The following KY variants were observed in gnomAD, a reference collection of about 807,000 sequenced individuals.
KY encodes kyphoscoliosis peptidase.
In KY, 43 loss-of-function variants were observed where a neutral mutation model predicts 76.1. The ratio of observed to expected loss-of-function variants is 0.57; its 90% CI spans 0.44 to 0.73. The LOEUF is 0.73. Ranked by LOEUF, KY falls within the 30% of genes least tolerant of loss-of-function variation. The pLI is 0.00. For synonymous variants in KY, 277 were observed against 326.2 expected (o/e 0.85, Z 1.63); for missense variants, 722 against 828.9 (o/e 0.87, Z 1.58).
At chr3:134,610,734 C>T (rs577862491) in intron 8 of KY, 25 of 199,492 alleles carry the variant, frequency 1.3e-4, no homozygotes, top group African/African-American at 4.6e-4. Context: ...TGGGGGCAAG[C>T]GTGAGGCTGG....
intron 2 of KY, among the ~76,000 whole-genome samples, chr3:134,645,307 G>A (rs1456254103): frequency 6.6e-6 from 1 of 152,188 alleles, no homozygotes; most frequent in Non-Finnish European, 1.5e-5. Context: ...CCCTGCCAGT[G>A]TTCCAGCCCA....
intron 3 of KY, among the ~76,000 whole-genome samples, chr3:134,633,933 A>C (rs545539373): frequency 6.6e-6 from 1 of 152,358 alleles, no homozygotes; most frequent in South Asian, 2.1e-4. Context: ...TTAACATACA[A>C]ACATCGATTG....
rs187017240 is a variant in KY at position 134,610,359 on chromosome 3, G to C, written c.735C>G (p.Thr245=). The C allele has an allele frequency of 6.2e-7, 1 of 1,612,946 alleles. No individual in the cohort carries two copies. The stretch of plus-strand genomic sequence containing the variant: ...CGAAACCCTTGGAGTAGCCAGGCAC[G>C]GTCATACACTGCACTCCGGCGAGCC... ...MCRLAGVQCM[T]VPGYSKGFGY... is the part of the protein sequence containing the mutation. The change falls in exon 9 of 11, where the codon ACC becomes ACG. Residue 245 remains threonine, a synonymous_variant. Transcript: ENST00000423778.
chr3:134,610,166 C>G (rs148817783), intron 9 of KY, 29 bp downstream of exon 9: 1 of 1,592,914 alleles, frequency 6.3e-7, no homozygotes, highest in Non-Finnish European at 8.6e-7. Flanking sequence ...ACCTGCCAGA[C>G]GCCCAGCAGA....
Position 134,625,247 on chromosome 3 carries a change from T to C in KY, c.401-112A>G. The C allele has an allele frequency of 5.0e-6, 4 of 804,788 alleles. No homozygotes were observed. The East Asian group carries it at 1.1e-4, about 21-fold the overall frequency. 49.9% of individuals were successfully genotyped at this position (804,788 alleles called of 1,614,324 possible). ...GTGACTGTCCAACCTTTAACACAAT[T>C]CTCAAAGCCTGAAACATTGAGCCTA... On this transcript the variant is annotated intron_variant, in intron 5 of 10. Transcript: ENST00000423778.
chr3:134,618,072 C>A lies in KY; in HGVS notation c.710+1076G>T, dbSNP rs577155689. Reference sequence around the variant, plus strand: ...TGACCCACCGTGGCTGCGTCTGGGGCTGTGGTCTCAGGGATTGGCCTTGAA... The same window carrying A: ...TGACCCACCGTGGCTGCGTCTGGGGATGTGGTCTCAGGGATTGGCCTTGAA... On this transcript the variant is annotated intron_variant, in intron 8 of 10. Transcript: ENST00000423778. 5.0e-3 allele frequency among the ~76,000 whole-genome samples: 756 copies of A among 152,174 alleles called. 2 individuals carry two copies. Among genetic ancestry groups the A allele is most frequent in the South Asian group, 8.9e-3 (43 of 4,822 alleles).
intron 8 of KY, among the ~76,000 whole-genome samples, chr3:134,611,320 C>T (rs1266259969): frequency 6.6e-6 from 1 of 152,116 alleles, no homozygotes; most frequent in Non-Finnish European, 1.5e-5. Flanking sequence ...GAGCTAAAAC[C>T]CTGAGGCCCA....
At chr3:134,618,944 TCGCGAAGCC>T (rs1962079280) in intron 8 of KY, among the ~76,000 whole-genome samples, 195 bp downstream of exon 8, 1 of 152,212 alleles carries the variant, frequency 6.6e-6, no homozygotes, top group Middle Eastern at 3.2e-3. Flanking sequence ...TGTTAATGCA[TCGCGAAGCC>T]CGGCAGATGG....
At position 134,603,396 on chromosome 3, in the gene KY, T is replaced by A; in HGVS notation, c.*183A>T. The A allele has an allele frequency of 1.8e-6, 1 of 567,788 alleles. No individual in the cohort carries two copies. The highest frequency in any genetic ancestry group is 3.1e-6 in the Non-Finnish European group (1 of 327,412). The allele number at this position is 567,788 out of a possible 1,614,324, so 35.2% of individuals were successfully genotyped here. A position where few individuals can be genotyped will look rare whatever the true frequency, so the allele number is the denominator to read the frequency against. The stretch of plus-strand genomic sequence containing the variant: ...CTGCCCCCTCAGTCACAGCCACACC[T>A]GAGTGAAGCCTTCAGAACACAAAGA... On this transcript the variant is annotated 3_prime_UTR_variant, in exon 11 of 11. Transcript: ENST00000423778.
At chr3:134,644,314 G>A (rs1047834951) in intron 2 of KY, among the ~76,000 whole-genome samples, 8 of 152,220 alleles carry the variant, frequency 5.3e-5, no homozygotes, top group African/African-American at 1.7e-4. Context: ...AGCCTAGTGG[G>A]GTCAGGCTGC....
intron 8 of KY, among the ~76,000 whole-genome samples, chr3:134,614,792 A>G (rs1250109350): frequency 2.0e-5 from 3 of 152,150 alleles, no homozygotes; most frequent in Admixed American, 2.0e-4. Flanking sequence ...TACAGTCAGT[A>G]CCAAGGCCAG....
chr3:134,618,128 CA>C (rs1225555970), intron 8 of KY, among the ~76,000 whole-genome samples: 1 of 152,092 alleles, frequency 6.6e-6, no homozygotes, highest in Non-Finnish European at 1.5e-5. Flanking sequence ...GGAAGCAGAG[CA>C]GGAGGCTTAG....
At chr3:134,629,889 A>G (rs1354326982) in intron 3 of KY, among the ~76,000 whole-genome samples, 194 bp from the exon 4 acceptor site, 1 of 152,228 alleles carries the variant, frequency 6.6e-6, no homozygotes, top group Non-Finnish European at 1.5e-5. Flanking sequence ...GGCAAGATGG[A>G]GTAAAGCACA....
Position 134,650,981 on chromosome 3 carries a change from C to T in KY, c.-21G>A, listed in dbSNP as rs757831063. 1 of 1,612,756 alleles carries T rather than the reference C, an allele frequency of 6.2e-7. No homozygotes were observed. The highest frequency in any genetic ancestry group is 1.1e-5 in the South Asian group (1 of 91,040). Reference sequence around the variant, plus strand: ...TCCATGATGCCGCCTCCTTTCCGACCTGGGCGCCGCGGCCGCACGCTAGGC... The same window carrying T: ...TCCATGATGCCGCCTCCTTTCCGACTTGGGCGCCGCGGCCGCACGCTAGGC... On this transcript the variant is annotated 5_prime_UTR_variant, in exon 1 of 11. Coordinates refer to ENST00000423778, the MANE Select transcript of KY (RefSeq NM_178554.6).
Position 134,603,508 on chromosome 3 carries a change from C to T in KY, c.*71G>A, listed in dbSNP as rs1212991794. On this transcript the variant is annotated 3_prime_UTR_variant, in exon 11 of 11. Transcript: ENST00000423778. Reference sequence around the variant, plus strand: ...ACTCAGTGGTGTCCAGGGCTCCCTGCACTTCCTTCGAGCCCTCCCTGGGGA... The same window carrying T: ...ACTCAGTGGTGTCCAGGGCTCCCTGTACTTCCTTCGAGCCCTCCCTGGGGA... The T allele has an allele frequency of 1.4e-6, 2 of 1,387,692 alleles. No homozygotes were observed. The highest frequency in any genetic ancestry group is 2.9e-5 in the African/African-American group (2 of 69,158). The allele number at this position is 1,387,692 out of a possible 1,614,324, so 86.0% of individuals were successfully genotyped here.
At chr3:134,635,083 CA>C in intron 3 of KY, among the ~76,000 whole-genome samples, 1 of 152,336 alleles carries the variant, frequency 6.6e-6, no homozygotes, top group East Asian at 1.9e-4. Context: ...TATGTTCACA[CA>C]AAAACCTGTA....
intron 6 of KY, among the ~76,000 whole-genome samples, chr3:134,624,405 GTACCTA>G (rs1327717897): frequency 6.6e-6 from 1 of 152,192 alleles, no homozygotes; most frequent in Non-Finnish European, 1.5e-5. Flanking sequence ...AGGTTCCTGA[GTACCTA>G]TAAGGTGGCC....
intron 2 of KY, among the ~76,000 whole-genome samples, chr3:134,644,189 C>T (rs986497043): frequency 1.2e-4 from 19 of 152,122 alleles, no homozygotes; most frequent in South Asian, 1.0e-3. Context: ...GCCTAGGAGA[C>T]GGGATGATGT....
intron 1 of KY, among the ~76,000 whole-genome samples, chr3:134,648,145 C>T (rs555493587): frequency 5.3e-5 from 8 of 152,296 alleles, no homozygotes; most frequent in East Asian, 3.9e-4. Flanking sequence ...GTTCTGGCAG[C>T]GGGAGCTGCT....
Sources: gnomAD v4.1 joint callset for allele counts (sites outside exome capture counted in the v4.1 genomes callset) on GRCh38, gnomAD v4.1.1 for gene constraint, MANE v1.5 for transcripts, NCBI Gene and HGNC (gene_info 2026-07-23, HGNC 2026-07-21) for gene names.